KAZN: variants seen among roughly 807,000 people sequenced by gnomAD.
The protein encoded by KAZN is kazrin.
In KAZN, 40 loss-of-function variants were observed where a neutral mutation model predicts 87.4. That is an observed-to-expected ratio of 0.46 (90% CI 0.36 to 0.60). KAZN has a LOEUF of 0.60. Among genes scored for constraint, KAZN ranks in the 20% least tolerant of loss-of-function variants. The pLI is 0.00. For synonymous variants in KAZN, 466 were observed against 458.3 expected, an observed-to-expected ratio of 1.02 and a Z score of -0.22; for missense variants, 898 against 1,073.9, an observed-to-expected ratio of 0.84 and a Z score of 2.29.
chr1:14,284,119 G>A (rs951761676), intron 2 of KAZN, among the ~76,000 whole-genome samples: 6 of 151,808 alleles, frequency 4.0e-5, no homozygotes, highest in African/African-American at 1.5e-4. Flanking sequence ...GGGGCTGGGG[G>A]GAGCAAAGAA....
intron 2 of KAZN, among the ~76,000 whole-genome samples, chr1:15,007,056 CAAAAAAAAAAAAAA>C (rs35245453): frequency 1.5e-5 from 1 of 67,912 alleles, no homozygotes; most frequent in Admixed American, 1.8e-4. Flanking sequence ...GACTCCGTCT[CAAAAAAAAAAAAAA>C]AAAAAAAGAA....
chr1:14,904,291 C>T (rs141871408), intron 1 of KAZN, among the ~76,000 whole-genome samples: 279 of 128,596 alleles, frequency 2.2e-3, no homozygotes, highest in African/African-American at 6.9e-3. Context: ...GGCGAAAGAG[C>T]GAGACTCCGT....
chr1:14,833,628 A>C (rs1647118861), intron 1 of KAZN, among the ~76,000 whole-genome samples: 1 of 152,044 alleles, frequency 6.6e-6, no homozygotes, highest in South Asian at 2.1e-4. Flanking sequence ...GGTGATTGTG[A>C]GGCAGCCCCT....
intron 1 of KAZN, among the ~76,000 whole-genome samples, chr1:13,997,477 G>C (rs1056851502): frequency 6.6e-6 from 1 of 151,980 alleles, no homozygotes; most frequent in Non-Finnish European, 1.5e-5. Flanking sequence ...CCTGATAAAA[G>C]GTTAGAGGAG....
intron 1 of KAZN, among the ~76,000 whole-genome samples, chr1:13,946,341 C>A (rs1044507722): frequency 6.6e-6 from 1 of 152,152 alleles, no homozygotes; most frequent in Non-Finnish European, 1.5e-5. Context: ...GCCAGTCTTC[C>A]TGGGTTTCAA....
At chr1:14,591,418 A>AACAC (rs36060158) in intron 2 of KAZN, among the ~76,000 whole-genome samples, 3,251 of 147,356 alleles carry the variant, frequency 0.022, 48 homozygotes, top group African/African-American at 0.033. Flanking sequence ...GGAAAGAAGA[A>AACAC]ACACACACAC....
intron 1 of KAZN, among the ~76,000 whole-genome samples, chr1:14,654,705 C>A (rs1638677575): frequency 1.3e-5 from 2 of 152,184 alleles, no homozygotes; most frequent in Non-Finnish European, 2.9e-5. Flanking sequence ...GGGATTTCGT[C>A]TTGGGCCTGG....
chr1:14,712,308 C>T (rs1223437799), intron 1 of KAZN, among the ~76,000 whole-genome samples: 1 of 152,138 alleles, frequency 6.6e-6, no homozygotes, highest in Non-Finnish European at 1.5e-5. Context: ...TGGCCTGGTC[C>T]AGGGTGCTGG....
intron 1 of KAZN, among the ~76,000 whole-genome samples, chr1:14,704,862 T>C (rs1308730107): frequency 6.6e-6 from 1 of 152,234 alleles, no homozygotes; most frequent in Non-Finnish European, 1.5e-5. Context: ...CAGGGACTGC[T>C]GGCTATGTCT....
chr1:14,514,391 A>AT (rs1161601225), intron 2 of KAZN, among the ~76,000 whole-genome samples: 2 of 20,258 alleles, frequency 9.9e-5, no homozygotes, highest in Admixed American at 6.5e-4. Context: ...TATATATTAT[A>AT]TATATTTATA....
chr1:13,995,419 T>G lies in KAZN; in HGVS notation c.91+101663T>G, dbSNP rs139195946. 3.0e-4 allele frequency among the ~76,000 whole-genome samples: 46 copies of G among 152,202 alleles called. 2 individuals carry two copies. The East Asian group carries it at 8.3e-3, about 27-fold the overall frequency. On this transcript the variant is annotated intron_variant, in intron 1 of 16. Transcript: ENST00000636203. Reference sequence around the variant, plus strand: ...TATGCTAGCAGCAATAAACAGAAAGTGAAATTTTAATAAAGATATGTTTAC... The same window carrying G: ...TATGCTAGCAGCAATAAACAGAAAGGGAAATTTTAATAAAGATATGTTTAC...
chr1:14,797,149 C>A (rs940992757), intron 1 of KAZN, among the ~76,000 whole-genome samples: 1 of 151,920 alleles, frequency 6.6e-6, no homozygotes, highest in East Asian at 1.9e-4. Context: ...CAGCCTCCGC[C>A]TCCTGGGTTC....
intron 2 of KAZN, among the ~76,000 whole-genome samples, chr1:15,004,480 C>T (rs991505066): frequency 1.3e-5 from 2 of 152,236 alleles, no homozygotes; most frequent in African/African-American, 4.8e-5. Context: ...CCTTACCTCT[C>T]AGAACCTGAG....
At position 13,911,039 on chromosome 1, in the gene KAZN, C is replaced by T. The variant is rs143590094; in HGVS notation, c.91+17283C>T. Among the ~76,000 whole-genome samples, 775 of 152,074 alleles carry T rather than the reference C, an allele frequency of 5.1e-3. 5 individuals are homozygous for T. The highest frequency in any genetic ancestry group is 0.018 in the African/African-American group (744 of 41,498). On this transcript the variant is annotated intron_variant, in intron 1 of 16. Transcript: ENST00000636203. ...AGAGAGAGATGGAGGAAATGGCACA[C>T]ACTTTTGTTTTGTTTCATTTTGTTT...
At chr1:13,928,765 C>T (rs1640383635) in intron 1 of KAZN, among the ~76,000 whole-genome samples, 1 of 152,016 alleles carries the variant, frequency 6.6e-6, no homozygotes, top group Admixed American at 6.6e-5. Context: ...AAAGCATTGC[C>T]TTTTCACAAA....
intron 4 of KAZN, among the ~76,000 whole-genome samples, chr1:15,050,131 C>A: frequency 8.4e-6 from 1 of 118,896 alleles, no homozygotes; most frequent in Non-Finnish European, 1.7e-5. Flanking sequence ...GAGTAGGTCT[C>A]CATCTCAATA....
intron 1 of KAZN, among the ~76,000 whole-genome samples, chr1:14,040,656 G>C (rs566360778): frequency 6.6e-6 from 1 of 152,076 alleles, no homozygotes; most frequent in East Asian, 1.9e-4. Flanking sequence ...CAGCTACTCA[G>C]GCTGGGGCTG....
intron 2 of KAZN, among the ~76,000 whole-genome samples, chr1:14,470,915 TG>T (rs1166190431): frequency 6.6e-6 from 1 of 152,166 alleles, no homozygotes. Context: ...TCATTTGCTC[TG>T]GGGGGAGCCA....
chr1:14,818,194 T>C (rs1223802316), intron 1 of KAZN, among the ~76,000 whole-genome samples: 1 of 152,254 alleles, frequency 6.6e-6, no homozygotes, highest in African/African-American at 2.4e-5. Context: ...CTGAAAATGC[T>C]GGGTACTTTG....
Sources: allele counts gnomAD v4.1 joint callset (sites outside exome capture counted in the v4.1 genomes callset), GRCh38; gene constraint gnomAD v4.1.1; transcripts MANE v1.5; gene names NCBI Gene and HGNC (gene_info 2026-07-23, HGNC 2026-07-21).